The following FBXO10 variants were observed in gnomAD, a reference collection of about 807,000 sequenced individuals.
FBXO10 encodes the protein F-box protein 10.
Under a neutral mutation model 80.7 loss-of-function variants are expected in FBXO10, and 39 were observed. The ratio of observed to expected loss-of-function variants is 0.48; its 90% CI spans 0.37 to 0.63. FBXO10 has a LOEUF of 0.63. FBXO10 is among the 30% of genes least tolerant of loss of function. FBXO10 has a pLI of 0.00. For missense variants in FBXO10, 1,025 were observed against 1,269.0 expected (o/e 0.81, Z 2.92); for synonymous variants, 449 against 489.6 (o/e 0.92, Z 1.09).
In FBXO10 at chr9:37,526,417, G is replaced by T. The variant is rs147040295; in HGVS notation, c.1707-1245C>A. Among the ~76,000 whole-genome samples, 312 of 152,218 alleles carry T rather than the reference G, an allele frequency of 2.0e-3. 2 individuals carry two copies. The highest frequency in any genetic ancestry group is 7.1e-3 in the African/African-American group (295 of 41,506). On this transcript the variant is annotated intron_variant, in intron 5 of 10. Transcript: ENST00000432825. ...AAAAAAGCACAACCTATTCTCTCAA[G>T]ATGACTATGTTTTAAAAACCCAACA...
At position 37,523,037 on chromosome 9, in the gene FBXO10, T is replaced by C. The variant is rs570973613; in HGVS notation, c.1778-60A>G. 2.6e-6 allele frequency: 4 copies of C among 1,552,164 alleles called. No individual in the cohort carries two copies. In the South Asian group the frequency reaches 3.6e-5, roughly 14 times the overall value. Reference sequence around the variant, plus strand: ...AAGGGCCAGCTCCAGTGCTGGCAAATAGGACTTGGACAGTTTTGATCAAGG... The same window carrying C: ...AAGGGCCAGCTCCAGTGCTGGCAAACAGGACTTGGACAGTTTTGATCAAGG... On this transcript the variant is annotated intron_variant, in intron 6 of 10. Coordinates refer to ENST00000432825, the MANE Select transcript of FBXO10 (RefSeq NM_012166.3).
chr9:37,541,134 A>G (rs1564344140), intron 2 of FBXO10, 50 bp downstream of exon 2: 17 of 1,480,250 alleles, frequency 1.1e-5, no homozygotes, highest in Non-Finnish European at 1.4e-5. Context: ...AAAGAGGGCA[A>G]GCCTCTGGGG....
At position 37,537,947 on chromosome 9, in the gene FBXO10, G is replaced by C. The variant is rs111265195; in HGVS notation, c.586-4C>G. The C allele has an allele frequency of 1.1e-4, 181 of 1,610,538 alleles. 4 individuals are homozygous for C. In the African/African-American group the frequency reaches 1.9e-3, roughly 17 times the overall value. On this transcript the variant is annotated splice_polypyrimidine_tract_variant and splice_region_variant and intron_variant, in intron 2 of 10. Transcript: ENST00000432825. The stretch of plus-strand genomic sequence containing the variant: ...ACTGGACGTGACCTGATGTTGTCTG[G>C]GGAATGAAAAGAAGAAAACGGCTGT...
Position 37,565,868 on chromosome 9 carries a change from C to T in FBXO10, c.-7+10343G>A, listed in dbSNP as rs189992843. ...ACATTCAGAGGAGGAAGAAAGGGGG[C>T]TATAGCAGAGGAAACAGCATCAGCA... On this transcript the variant is annotated intron_variant, in intron 1 of 10. Coordinates refer to ENST00000432825, the MANE Select transcript of FBXO10 (RefSeq NM_012166.3). Among the ~76,000 whole-genome samples, 53 of 152,238 alleles carry T rather than the reference C, an allele frequency of 3.5e-4. No homozygotes were observed. The East Asian group carries it at 8.1e-3, about 23-fold the overall frequency.
chr9:37,545,110 T>C lies in FBXO10; in HGVS notation c.-6-3336A>G, dbSNP rs931374839. On this transcript the variant is annotated intron_variant, in intron 1 of 10. Coordinates refer to ENST00000432825, the MANE Select transcript of FBXO10 (RefSeq NM_012166.3). ...CCCAAGATGGACACCAGTTTATTTA[T>C]GGCGGCTTCTATGACACTGATGTTT... Among the ~76,000 whole-genome samples the C allele has an allele frequency of 3.3e-5, 5 of 151,262 alleles. No homozygotes were observed. The Middle Eastern group carries it at 0.011, about 320-fold the overall frequency.
intron 1 of FBXO10, among the ~76,000 whole-genome samples, chr9:37,561,696 T>C (rs999087671): frequency 1.3e-5 from 2 of 152,236 alleles, no homozygotes; most frequent in African/African-American, 2.4e-5. Context: ...GTGCCAAGCA[T>C]TGTTCCAAGA....
chr9:37,513,872 G>A (rs1341721961), intron 10 of FBXO10, among the ~76,000 whole-genome samples: 1 of 152,196 alleles, frequency 6.6e-6, no homozygotes, highest in East Asian at 1.9e-4. Context: ...TTACAGGCGT[G>A]AGCCACCGCA....
chr9:37,523,103 A>G lies in FBXO10; in HGVS notation c.1778-126T>C, dbSNP rs971757874. The G allele has an allele frequency of 1.4e-4, 139 of 1,013,884 alleles. No homozygotes were observed. The African/African-American group carries it at 2.1e-3, about 15-fold the overall frequency. 62.8% of individuals were successfully genotyped at this position (1,013,884 alleles called of 1,614,324 possible). On this transcript the variant is annotated intron_variant, in intron 6 of 10. Coordinates refer to ENST00000432825, the MANE Select transcript of FBXO10 (RefSeq NM_012166.3). ...AGGCCCTGGCCTTACCCTGCCAGCA[A>G]TTAGCACTGTAAATCTTGTCTGCTG...
chr9:37,575,443 T>C (rs946735871), intron 1 of FBXO10: 1 of 152,242 alleles, frequency 6.6e-6, no homozygotes, highest in Non-Finnish European at 1.5e-5. Context: ...AACAGCATTA[T>C]CTACTGAGGC....
intron 1 of FBXO10, among the ~76,000 whole-genome samples, chr9:37,569,375 A>G (rs1197853776): frequency 1.4e-5 from 2 of 147,620 alleles, no homozygotes; most frequent in African/African-American, 4.9e-5. Context: ...ACCTGATAAT[A>G]CGGCCTTACA....
At chr9:37,559,554 A>C (rs1448720157) in intron 1 of FBXO10, among the ~76,000 whole-genome samples, 1 of 152,254 alleles carries the variant, frequency 6.6e-6, no homozygotes, top group Non-Finnish European at 1.5e-5. Context: ...TACATTGGGA[A>C]TCAATGCTCT....
chr9:37,526,726 G>A (rs1366395731), intron 5 of FBXO10, among the ~76,000 whole-genome samples: 1 of 152,056 alleles, frequency 6.6e-6, no homozygotes, highest in Non-Finnish European at 1.5e-5. Flanking sequence ...AGCTCCTAGA[G>A]GCCGCCTGCA....
At chr9:37,523,781 G>C (rs1821401389) in intron 6 of FBXO10, among the ~76,000 whole-genome samples, 1 of 152,158 alleles carries the variant, frequency 6.6e-6, no homozygotes, top group African/African-American at 2.4e-5. Flanking sequence ...ATTGGGCGTG[G>C]TGGCACATGC....
intron 1 of FBXO10, among the ~76,000 whole-genome samples, chr9:37,557,472 A>G (rs1018989905): frequency 6.6e-6 from 1 of 152,206 alleles, no homozygotes; most frequent in Non-Finnish European, 1.5e-5. Flanking sequence ...TGAGTGGGGT[A>G]GATGCAGTTC....
intron 7 of FBXO10, chr9:37,522,205 T>G: frequency 2.1e-5 from 8 of 386,098 alleles, no homozygotes; most frequent in Non-Finnish European, 3.0e-5. Flanking sequence ...TTCCCAGCTG[T>G]GAGACCCTGA....
intron 3 of FBXO10, among the ~76,000 whole-genome samples, chr9:37,533,733 G>A (rs980038410): frequency 4.6e-5 from 7 of 151,834 alleles, no homozygotes; most frequent in East Asian, 1.9e-4. Context: ...TTAGCTGGGC[G>A]TGGTGGCTCA....
intron 1 of FBXO10, among the ~76,000 whole-genome samples, chr9:37,554,303 T>TTA (rs1822281812): frequency 6.6e-6 from 1 of 152,186 alleles, no homozygotes. Flanking sequence ...GTCAAAAATG[T>TTA]TATATAAGTG....
chr9:37,575,820 T>C lies in FBXO10; in HGVS notation c.-7+391A>G, dbSNP rs1376778350. Among the ~76,000 whole-genome samples, 7 of 152,290 alleles carry C rather than the reference T, an allele frequency of 4.6e-5. No homozygotes were observed. In the East Asian group the frequency reaches 1.3e-3, roughly 29 times the overall value. On this transcript the variant is annotated intron_variant, in intron 1 of 10. Coordinates refer to ENST00000432825, the MANE Select transcript of FBXO10 (RefSeq NM_012166.3). ...ACACAGTGGGTGCCCAGCCCCATATTTGCCCCTGCGTTCCTAGGTGAAGGC... is the reference window on the plus strand; with the variant it reads ...ACACAGTGGGTGCCCAGCCCCATATCTGCCCCTGCGTTCCTAGGTGAAGGC...
intron 1 of FBXO10, among the ~76,000 whole-genome samples, chr9:37,545,330 C>T (rs1477508895): frequency 6.6e-6 from 1 of 151,950 alleles, no homozygotes; most frequent in Non-Finnish European, 1.5e-5. Flanking sequence ...GCGCACACCG[C>T]CATGCCCAGC....
Sources: gnomAD v4.1 joint callset for allele counts (sites outside exome capture counted in the v4.1 genomes callset) on GRCh38, gnomAD v4.1.1 for gene constraint, MANE v1.5 for transcripts, NCBI Gene and HGNC (gene_info 2026-07-23, HGNC 2026-07-21) for gene names.